Variants in TTK observed in about 807,000 individuals in gnomAD.
TTK encodes the protein dual specificity protein kinase TTK.
Under a neutral mutation model 117.3 loss-of-function variants are expected in TTK, and 59 were observed. That is an observed-to-expected ratio of 0.50 (90% CI 0.41 to 0.62). TTK has a LOEUF of 0.62. TTK is among the 20% of genes least tolerant of loss of function. The probability of loss-of-function intolerance (pLI) is 0.00; values close to 1 mark genes in which losing one functional copy is unlikely to be tolerated. For synonymous variants in TTK, 302 were observed against 325.0 expected, an observed-to-expected ratio of 0.93 and a Z score of 0.76; for missense variants, 921 against 989.4, an observed-to-expected ratio of 0.93 and a Z score of 0.93.
chr6:80,030,726 G>A (rs944232976), intron 13 of TTK, among the ~76,000 whole-genome samples: 1 of 152,120 alleles, frequency 6.6e-6, no homozygotes, highest in African/African-American at 2.4e-5. Context: ...CCTCTCACCA[G>A]GCCCCGCCTC....
At chr6:80,035,202 T>C in intron 15 of TTK, 60 bp downstream of exon 15, 1 of 1,533,562 alleles carries the variant, frequency 6.5e-7, no homozygotes, top group Non-Finnish European at 8.7e-7. Flanking sequence ...CAGGTAAATA[T>C]TTAGTAAACT....
chr6:80,013,173 TAAAA>T (rs1430839822), intron 8 of TTK, 102 bp from the exon 9 acceptor site: 1 of 865,342 alleles, frequency 1.2e-6, no homozygotes, highest in African/African-American at 1.8e-5. Context: ...TTTTTTTCAA[TAAAA>T]AGTATGTATA....
At chr6:80,025,554 CTATT>C (rs1767583120) in intron 11 of TTK, among the ~76,000 whole-genome samples, 1 of 152,136 alleles carries the variant, frequency 6.6e-6, no homozygotes, top group Non-Finnish European at 1.5e-5. Flanking sequence ...ACTTGGTTCT[CTATT>C]TAATTGAGAT....
chr6:80,019,990 A>C (rs1767414423), intron 10 of TTK, among the ~76,000 whole-genome samples: 1 of 152,234 alleles, frequency 6.6e-6, no homozygotes, highest in Non-Finnish European at 1.5e-5. Flanking sequence ...TACTTAATTT[A>C]TGAGTACTCA....
intron 14 of TTK, among the ~76,000 whole-genome samples, chr6:80,034,489 C>A (rs1183325686): frequency 6.6e-6 from 1 of 152,046 alleles, no homozygotes; most frequent in Non-Finnish European, 1.5e-5. Context: ...CTTTAGTCAT[C>A]CTTAACTTTT....
Position 80,005,959 on chromosome 6 carries a change from A to G in TTK, c.116A>G (p.Asn39Ser). ...GACCTTACTGATGAACTAAGCTTGA[A>G]TAAAATTTCTGCTGATACTACAGGT... Reference protein sequence around the residue: ...NEDLTDELSLNKISADTTDNS... With the variant: ...NEDLTDELSLSKISADTTDNS... The change falls in exon 2 of 22, where the codon AAT becomes AGT. Residue 39 changes from asparagine to serine, a missense_variant. Coordinates refer to ENST00000369798, the MANE Select transcript of TTK (RefSeq NM_003318.5). 1 of 1,608,026 alleles carries G rather than the reference A, an allele frequency of 6.2e-7. No homozygotes were observed. The highest frequency in any genetic ancestry group is 8.5e-7 in the Non-Finnish European group (1 of 1,178,634).
At chr6:80,028,117 A>G in intron 13 of TTK, 106 bp downstream of exon 13, 1 of 1,269,094 alleles carries the variant, frequency 7.9e-7, no homozygotes, top group Non-Finnish European at 1.0e-6. Flanking sequence ...GAACTTGGCC[A>G]TTCTTATTTC....
rs1287352314 is a variant in TTK, at chr6:80,039,395, C to CGTT, written c.2131-301_2131-300insGTT. Reference sequence around the variant, plus strand: ...ATCCAGTAATTCTGGGGAAAACAAACTTAAAACTTACATTTTTTAATTTTA... The same window carrying CGTT: ...ATCCAGTAATTCTGGGGAAAACAAACGTTTTAAAACTTACATTTTTTAATTTTA... On this transcript the variant is annotated intron_variant, in intron 18 of 21. Transcript: ENST00000369798. 2.0e-3 allele frequency among the ~76,000 whole-genome samples: 196 copies of CGTT among 98,552 alleles called. 1 individual carries two copies. Among genetic ancestry groups the CGTT allele is most frequent in the African/African-American group, 7.3e-3 (194 of 26,706 alleles). The allele number at this position is 98,552 out of a possible 152,430, so 64.7% of individuals were successfully genotyped here. A position where few individuals can be genotyped will look rare whatever the true frequency, so the allele number is the denominator to read the frequency against.
rs1288755092 is a variant in TTK at position 80,007,844 on chromosome 6, G to A, written c.175G>A (p.Ala59Thr). Residue 59 changes from alanine (A) to threonine (T), a missense_variant, in exon 3 of 22, where the codon GCA becomes ACA. Coordinates refer to ENST00000369798, the MANE Select transcript of TTK (RefSeq NM_003318.5). ...SGTVNQIMMM[A>T]NNPEDWLSLL... The stretch of plus-strand genomic sequence containing the variant: ...AACTGTTAACCAAATTATGATGATG[G>A]CAAACAACCCAGAGGACTGGTTGAG... The A allele has an allele frequency of 6.2e-7, 1 of 1,611,724 alleles. No homozygotes were observed.
At position 80,040,290 on chromosome 6, in the gene TTK, C is replaced by G. The variant is rs1475543752; in HGVS notation, c.2392+10C>G. On this transcript the variant is annotated intron_variant, in intron 20 of 21. Transcript: ENST00000369798. ...ATTCAAACTCATCCAGGTACTACTT[C>G]TTTAAAAATTTGTTTATTACTAGAT... 3.8e-6 allele frequency: 6 copies of G among 1,564,144 alleles called. No homozygotes were observed. The highest frequency in any genetic ancestry group is 5.2e-6 in the Non-Finnish European group (6 of 1,159,428).
chr6:80,005,726 A>G (rs920890670), intron 1 of TTK, 116 bp from the exon 2 acceptor site: 16 of 1,122,412 alleles, frequency 1.4e-5, no homozygotes, highest in Admixed American at 2.5e-5. Flanking sequence ...TAATAGCTGC[A>G]TTTAGATGTG....
chr6:80,008,247 T>TA, intron 3 of TTK, 139 bp from the exon 4 acceptor site: 1 of 1,026,184 alleles, frequency 9.7e-7, no homozygotes, highest in Non-Finnish European at 1.4e-6. Context: ...AAGATTTTTT[T>TA]AAAATAACTT....
chr6:80,029,294 C>G (rs1767692983), intron 13 of TTK, among the ~76,000 whole-genome samples: 1 of 151,984 alleles, frequency 6.6e-6, no homozygotes, highest in Non-Finnish European at 1.5e-5. Context: ...TGAATTGTAC[C>G]TAAAAATGGT....
chr6:80,026,669 A>G (rs1056480016), intron 12 of TTK, among the ~76,000 whole-genome samples, 155 bp downstream of exon 12: 1 of 152,198 alleles, frequency 6.6e-6, no homozygotes, highest in Non-Finnish European at 1.5e-5. Context: ...TTTCATCTAT[A>G]AAATGGAAAG....
At chr6:80,038,807 A>G (rs772366104) in intron 18 of TTK, among the ~76,000 whole-genome samples, 4 of 152,020 alleles carry the variant, frequency 2.6e-5, no homozygotes, top group Non-Finnish European at 4.4e-5. Context: ...TTGTGTTTTT[A>G]TTAGACTTTC....
chr6:80,024,821 C>T (rs931766049), intron 11 of TTK, among the ~76,000 whole-genome samples: 1 of 152,212 alleles, frequency 6.6e-6, no homozygotes, highest in Non-Finnish European at 1.5e-5. Context: ...TTTTGTCTCA[C>T]ATCTCACTTA....
chr6:80,013,404 C>G (rs772778393), intron 9 of TTK, 38 bp downstream of exon 9: 1 of 1,509,972 alleles, frequency 6.6e-7, no homozygotes, highest in East Asian at 2.3e-5. Context: ...AGCAAGGGTT[C>G]CTGATCTGGG....
rs894162041 is a variant in TTK, at chr6:80,022,546, A to G, written c.1257+74A>G. ...TTCCGAAGGTTGATGATCATATTAAATGTTTTCTTTTATTAAATGTGTATG... is the reference window on the plus strand; with the variant it reads ...TTCCGAAGGTTGATGATCATATTAAGTGTTTTCTTTTATTAAATGTGTATG... On this transcript the variant is annotated intron_variant, in intron 11 of 21. Coordinates refer to ENST00000369798, the MANE Select transcript of TTK (RefSeq NM_003318.5). 31 of 1,463,558 alleles carry G rather than the reference A, an allele frequency of 2.1e-5. No individual in the cohort carries two copies. The African/African-American group carries it at 4.3e-4, about 20-fold the overall frequency. 90.7% of individuals were successfully genotyped at this position (1,463,558 alleles called of 1,614,324 possible). A position where few individuals can be genotyped will look rare whatever the true frequency, so the allele number is the denominator to read the frequency against.
At chr6:80,005,436 G>A (rs915089217) in intron 1 of TTK, among the ~76,000 whole-genome samples, 2 of 152,188 alleles carry the variant, frequency 1.3e-5, no homozygotes, top group African/African-American at 4.8e-5. Context: ...AGTAAAGCAG[G>A]CGAATAAAGG....
Sources: gnomAD v4.1 joint callset for allele counts (sites outside exome capture counted in the v4.1 genomes callset) on GRCh38, gnomAD v4.1.1 for gene constraint, MANE v1.5 for transcripts, NCBI Gene and HGNC (gene_info 2026-07-23, HGNC 2026-07-21) for gene names.